FHIT: variants seen among roughly 807,000 people sequenced by gnomAD.
The protein encoded by FHIT is fragile histidine triad diadenosine triphosphatase, also known as bis(5'-adenosyl)-triphosphatase.
A neutral mutation model predicts 17.9 loss-of-function variants in FHIT; 19 were observed. The observed-to-expected ratio is 1.06, with a 90% CI of 0.74 to 1.56. The LOEUF (loss-of-function observed/expected upper bound fraction) is 1.56, where lower values mean the gene tolerates loss of function less well. FHIT is among the 40% of genes most tolerant of loss of function. The pLI is 0.00. For missense variants in FHIT, 248 were observed against 189.2 expected (o/e 1.31, Z -1.82); for synonymous variants, 81 against 69.7 (o/e 1.16, Z -0.81).
intron 4 of FHIT, among the ~76,000 whole-genome samples, chr3:60,805,133 T>C (rs1167836900): frequency 6.6e-6 from 1 of 152,214 alleles, no homozygotes; most frequent in African/African-American, 2.4e-5. Flanking sequence ...GGGGAATCGT[T>C]TCTTAAGGAC....
At position 60,423,936 on chromosome 3, in the gene FHIT, C is replaced by T. The variant is rs141472228; in HGVS notation, c.103+112924G>A. On this transcript the variant is annotated intron_variant, in intron 5 of 9. Transcript: ENST00000492590. ...TTCTTTCCCAAAAGTAATACAGCTA[C>T]TAAAACACTGATAGTATAACAATTT... is the stretch of plus-strand genomic sequence containing the variant. Among the ~76,000 whole-genome samples, 131 of 152,242 alleles carry T rather than the reference C, an allele frequency of 8.6e-4. 3 individuals carry two copies. The highest frequency in any genetic ancestry group is 8.1e-4 in the Non-Finnish European group (55 of 68,018).
At chr3:61,211,728 C>A (rs939651049) in intron 1 of FHIT, among the ~76,000 whole-genome samples, 30 of 152,226 alleles carry the variant, frequency 2.0e-4, no homozygotes, top group Non-Finnish European at 3.5e-4. Context: ...ACCCCTGACC[C>A]CCGAGCAGCC....
At chr3:60,625,614 A>C (rs781825677) in intron 4 of FHIT, among the ~76,000 whole-genome samples, 1 of 152,270 alleles carries the variant, frequency 6.6e-6, no homozygotes, top group South Asian at 2.1e-4. Context: ...GGGTTTATAC[A>C]AATATTTATA....
intron 3 of FHIT, among the ~76,000 whole-genome samples, chr3:60,851,780 T>A (rs1703163929): frequency 6.6e-6 from 1 of 152,172 alleles, no homozygotes; most frequent in Non-Finnish European, 1.5e-5. Context: ...AAGAATTGCC[T>A]TACAAGTTCA....
intron 4 of FHIT, among the ~76,000 whole-genome samples, chr3:60,777,145 C>A (rs1171398718): frequency 6.6e-6 from 1 of 152,146 alleles, no homozygotes; most frequent in African/African-American, 2.4e-5. Flanking sequence ...CAAAAGGAGT[C>A]AAATTCTGTA....
chr3:60,501,376 C>T (rs2034518883), intron 5 of FHIT, among the ~76,000 whole-genome samples: 1 of 152,206 alleles, frequency 6.6e-6, no homozygotes, highest in African/African-American at 2.4e-5. Flanking sequence ...GCAATACTAT[C>T]CCCTGTAATA....
intron 5 of FHIT, among the ~76,000 whole-genome samples, chr3:60,491,440 A>G (rs2034062479): frequency 6.6e-6 from 1 of 152,108 alleles, no homozygotes; most frequent in Admixed American, 6.6e-5. Flanking sequence ...GGCCAACCAG[A>G]ACAAAAACAT....
intron 3 of FHIT, among the ~76,000 whole-genome samples, chr3:60,959,587 T>A (rs72873029): frequency 0.073 from 11,029 of 152,020 alleles, 1,331 homozygotes; most frequent in African/African-American, 0.25. Context: ...GTTCGCCTAG[T>A]TTGGAGAGGA....
At chr3:61,049,522 A>G (rs1417780288) in intron 2 of FHIT, among the ~76,000 whole-genome samples, 1 of 152,092 alleles carries the variant, frequency 6.6e-6, no homozygotes, top group Non-Finnish European at 1.5e-5. Flanking sequence ...TGGTAACAGA[A>G]CAGTCTGACA....
At chr3:60,899,473 T>C (rs1705992595) in intron 3 of FHIT, among the ~76,000 whole-genome samples, 1 of 152,198 alleles carries the variant, frequency 6.6e-6, no homozygotes, top group Admixed American at 6.5e-5. Flanking sequence ...TTCATATGAA[T>C]ATATTAAATC....
intron 8 of FHIT, among the ~76,000 whole-genome samples, chr3:59,905,575 G>C (rs2107107406): frequency 6.6e-6 from 1 of 152,274 alleles, no homozygotes; most frequent in South Asian, 2.1e-4. Context: ...ACAAATGATG[G>C]TAACAATAAA....
At chr3:59,815,232 A>G (rs557876149) in intron 8 of FHIT, among the ~76,000 whole-genome samples, 3 of 152,132 alleles carry the variant, frequency 2.0e-5, no homozygotes, top group East Asian at 1.9e-4. Flanking sequence ...CCAGGCCACT[A>G]TGGAAGGAAA....
chr3:60,029,487 C>T (rs991733561), intron 5 of FHIT, among the ~76,000 whole-genome samples: 5 of 152,116 alleles, frequency 3.3e-5, no homozygotes, highest in Non-Finnish European at 4.4e-5. Flanking sequence ...TTTAAAAAGA[C>T]ATATATATGC....
intron 8 of FHIT, among the ~76,000 whole-genome samples, chr3:59,904,966 A>G (rs1704519131): frequency 6.6e-6 from 1 of 152,222 alleles, no homozygotes; most frequent in African/African-American, 2.4e-5. Context: ...GGTATATGTA[A>G]AACAGGTGAA....
intron 5 of FHIT, among the ~76,000 whole-genome samples, chr3:60,405,295 G>A (rs930423299): frequency 1.3e-5 from 2 of 152,026 alleles, no homozygotes; most frequent in Non-Finnish European, 2.9e-5. Flanking sequence ...GCCCACCTTT[G>A]AGTGGTGTCT....
At chr3:60,900,545 A>G (rs1553762939) in intron 3 of FHIT, among the ~76,000 whole-genome samples, 1 of 152,170 alleles carries the variant, frequency 6.6e-6, no homozygotes, top group East Asian at 1.9e-4. Context: ...ACAATTTTAA[A>G]TAAATATTAA....
At chr3:59,958,361 T>TA (rs918731177) in intron 7 of FHIT, among the ~76,000 whole-genome samples, 2 of 152,006 alleles carry the variant, frequency 1.3e-5, no homozygotes, top group African/African-American at 2.4e-5. Flanking sequence ...AAGGACTGTA[T>TA]AAAAAAAATC....
intron 8 of FHIT, among the ~76,000 whole-genome samples, chr3:59,758,239 G>A (rs757215505): frequency 3.3e-4 from 50 of 152,104 alleles, no homozygotes; most frequent in Non-Finnish European, 4.9e-4. Context: ...CACATGATGC[G>A]AGTACCAGTT....
In FHIT at chr3:60,593,917, G is replaced by A. The variant is rs1236597664; in HGVS notation, c.-17-56938C>T. 7.9e-5 allele frequency among the ~76,000 whole-genome samples: 12 copies of A among 152,032 alleles called. 1 individual carries two copies. The highest frequency in any genetic ancestry group is 7.9e-4 in the Admixed American group (12 of 15,250). ...TGGGAGGCTGCATTAATATTTCTAA[G>A]ACCAAATATTCTCCCTCAAGTAATA... On this transcript the variant is annotated intron_variant, in intron 4 of 9. Coordinates refer to ENST00000492590, the MANE Select transcript of FHIT (RefSeq NM_002012.4).
Sources: allele counts gnomAD v4.1 joint callset (sites outside exome capture counted in the v4.1 genomes callset), GRCh38; gene constraint gnomAD v4.1.1; transcripts MANE v1.5; gene names NCBI Gene and HGNC (gene_info 2026-07-23, HGNC 2026-07-21).